Variants in DDX60 observed in about 807,000 individuals in gnomAD.
DDX60 encodes DExD/H-box helicase 60.
In DDX60, 165 loss-of-function variants were observed where a neutral mutation model predicts 212.8. The observed-to-expected ratio is 0.78, with a 90% CI of 0.68 to 0.88. The LOEUF (loss-of-function observed/expected upper bound fraction) is 0.88. Among genes scored for constraint, DDX60 ranks in the 40% least tolerant of loss-of-function variants. The pLI is 0.00. For missense variants in DDX60, 1,905 were observed against 2,003.9 expected (o/e 0.95, Z 0.94); for synonymous variants, 703 against 685.3 (o/e 1.03, Z -0.40).
At position 168,216,430 on chromosome 4, in the gene DDX60, A is replaced by G. The variant is rs527991512; in HGVS notation, c.*503T>C. 6.6e-6 allele frequency: 1 copy of G among 152,368 alleles called. No homozygotes were observed. Among genetic ancestry groups the G allele is most frequent in the East Asian group, 1.9e-4 (1 of 5,190 alleles). 9.4% of individuals were successfully genotyped at this position (152,368 alleles called of 1,614,324 possible). ...TTAAAAAGTAGTTTAAGTTTACTAG[A>G]AAGTACTATCTCAATAGCTGTATAG... On this transcript the variant is annotated 3_prime_UTR_variant, in exon 38 of 38. Transcript: ENST00000393743.
Position 168,311,061 on chromosome 4 carries a change from T to G in DDX60, c.11A>C (p.Asn4Thr). 8 of 1,570,936 alleles carry G rather than the reference T, an allele frequency of 5.1e-6. No individual in the cohort carries two copies. Among genetic ancestry groups the G allele is most frequent in the Non-Finnish European group, 7.0e-6 (8 of 1,147,216 alleles). ...TTCCTGTGAAAATGTTGTAAGAACA[T>G]TTCTTTCTAAATTTAAAAAAAAAGA... Reference protein sequence around the residue: MERNVLTTFSQEMS... With the variant: MERTVLTTFSQEMS... The change falls in exon 3 of 38, where the codon AAT (asparagine) becomes ACT (threonine). Residue 4 changes from asparagine (N) to threonine (T), a missense_variant. Coordinates refer to ENST00000393743, the MANE Select transcript of DDX60 (RefSeq NM_017631.6).
intron 14 of DDX60, among the ~76,000 whole-genome samples, chr4:168,277,522 A>C (rs1735393750): frequency 6.6e-6 from 1 of 152,134 alleles, no homozygotes; most frequent in Admixed American, 6.5e-5. Flanking sequence ...ATCTGAGCTA[A>C]ACTGTGGTTC....
At chr4:168,285,264 A>AT in intron 11 of DDX60, 129 bp downstream of exon 11, 1 of 661,100 alleles carries the variant, frequency 1.5e-6, no homozygotes. Context: ...TTGATTTTAA[A>AT]TTCATTATGT....
intron 30 of DDX60, among the ~76,000 whole-genome samples, chr4:168,238,465 AAGGGAAG>A (rs1733720372): frequency 7.3e-6 from 1 of 136,742 alleles, no homozygotes; most frequent in Non-Finnish European, 1.6e-5. Context: ...AAGGGAAGGG[AAGGGAAG>A]GGAAGGGAAG....
At chr4:168,264,457 G>A (rs1734754784) in intron 22 of DDX60, among the ~76,000 whole-genome samples, 1 of 152,056 alleles carries the variant, frequency 6.6e-6, no homozygotes, top group Non-Finnish European at 1.5e-5. Flanking sequence ...CTTGAAAGTG[G>A]TTACTTATTC....
intron 1 of DDX60, among the ~76,000 whole-genome samples, chr4:168,314,339 A>G (rs79418153): frequency 0.014 from 2,150 of 152,122 alleles, 55 homozygotes; most frequent in African/African-American, 0.05. Flanking sequence ...ACACACACAC[A>G]CACAAATTAG....
intron 33 of DDX60, among the ~76,000 whole-genome samples, chr4:168,226,359 T>C (rs1017195417): frequency 2.6e-5 from 4 of 152,038 alleles, no homozygotes. Flanking sequence ...GATTAGGTCA[T>C]GAGGGTGGAG....
At chr4:168,307,282 C>CAT (rs1435296064) in intron 4 of DDX60, among the ~76,000 whole-genome samples, 1 of 152,158 alleles carries the variant, frequency 6.6e-6, no homozygotes, top group Non-Finnish European at 1.5e-5. Context: ...AAAAGACTCA[C>CAT]ACCAAAGCTC....
In DDX60 at chr4:168,262,013, C is replaced by A; in HGVS notation, c.3260G>T (p.Gly1087Val). 2 of 1,593,388 alleles carry A rather than the reference C, an allele frequency of 1.3e-6. No homozygotes were observed. The highest frequency in any genetic ancestry group is 2.3e-5 in the East Asian group (1 of 43,510). ...KAELTSWIKN[G>V]NVEQARMVLQ... is the part of the protein sequence containing the mutation. ...TATGAAAATTACCTGCTCTACGTTG[C>A]CATTTTTAATCCAACTTGTTAATTC... Residue 1087 changes from glycine (G) to valine (V), a missense_variant, in exon 24 of 38, where the codon GGC (glycine) becomes GTC (valine). Coordinates refer to ENST00000393743, the MANE Select transcript of DDX60 (RefSeq NM_017631.6).
At chr4:168,296,491 T>C (rs1004270927) in intron 6 of DDX60, among the ~76,000 whole-genome samples, 10 of 151,918 alleles carry the variant, frequency 6.6e-5, no homozygotes, top group Admixed American at 4.6e-4. Flanking sequence ...AGCAGGTAAT[T>C]TGAAGACCCA....
intron 17 of DDX60, 21 bp downstream of exon 17, chr4:168,273,910 ATAT>A (rs1299277850): frequency 6.2e-7 from 1 of 1,605,818 alleles, no homozygotes; most frequent in Non-Finnish European, 8.5e-7. Flanking sequence ...ATGAAAGAGA[ATAT>A]TATAGTCACT....
chr4:168,319,228 G>A (rs1737541150), upstream of DDX60, among the ~76,000 whole-genome samples: 1 of 152,042 alleles, frequency 6.6e-6, no homozygotes, highest in African/African-American at 2.4e-5. Flanking sequence ...AACCTTAAAA[G>A]AGAGAGACAA....
Position 168,267,891 on chromosome 4 carries a change from C to A in DDX60, c.2879G>T (p.Gly960Val). The change falls in exon 21 of 38, where the codon GGC becomes GTC. Residue 960 changes from glycine (G) to valine (V), a missense_variant. By Grantham distance (109) the Gly-to-Val change is moderately radical. Coordinates refer to ENST00000393743, the MANE Select transcript of DDX60 (RefSeq NM_017631.6). ...ASKRHVGRQA[G>V]FPKDYLQVKQ... ...TACTTGCAAGTAGTCTTTGGGAAAGCCGGCCTGACGACCCACATGTCTTTT... is the reference window on the plus strand; with the variant it reads ...TACTTGCAAGTAGTCTTTGGGAAAGACGGCCTGACGACCCACATGTCTTTT... 6.2e-7 allele frequency: 1 copy of A among 1,613,408 alleles called. No homozygotes were observed. The highest frequency in any genetic ancestry group is 1.1e-5 in the South Asian group (1 of 90,984).
chr4:168,232,000 A>C (rs1408747455), intron 33 of DDX60, among the ~76,000 whole-genome samples: 1 of 152,100 alleles, frequency 6.6e-6, no homozygotes, highest in Non-Finnish European at 1.5e-5. Context: ...AGAACTGATA[A>C]ATGAATTCAG....
intron 13 of DDX60, among the ~76,000 whole-genome samples, chr4:168,283,133 T>C (rs920686206): frequency 6.6e-6 from 1 of 152,148 alleles, no homozygotes; most frequent in Non-Finnish European, 1.5e-5. Context: ...ATGAAAAAGA[T>C]TTTCACTGTC....
intron 30 of DDX60, among the ~76,000 whole-genome samples, chr4:168,239,289 T>C (rs1406995578): frequency 6.6e-6 from 1 of 151,838 alleles, no homozygotes; most frequent in African/African-American, 2.4e-5. Flanking sequence ...TTGATAGATG[T>C]AGATAGATGG....
At chr4:168,232,867 A>G (rs957467176) in intron 33 of DDX60, among the ~76,000 whole-genome samples, 2 of 152,096 alleles carry the variant, frequency 1.3e-5, no homozygotes, top group Non-Finnish European at 1.5e-5. Context: ...GATGGGACTT[A>G]ATTAAACTAA....
chr4:168,217,104 T>G (rs1240438883), intron 37 of DDX60, 72 bp from the exon 38 acceptor site: 7 of 937,302 alleles, frequency 7.5e-6, no homozygotes, highest in Non-Finnish European at 9.8e-6. Context: ...TTTCCTTGGT[T>G]AGGCAGAAGT....
chr4:168,229,162 C>T (rs1365294971), intron 33 of DDX60, among the ~76,000 whole-genome samples: 1 of 152,008 alleles, frequency 6.6e-6, no homozygotes, highest in Non-Finnish European at 1.5e-5. Context: ...AAGTAACTTG[C>T]CTCTTCAGGC....
Sources: gnomAD v4.1 joint callset for allele counts (sites outside exome capture counted in the v4.1 genomes callset) on GRCh38, gnomAD v4.1.1 for gene constraint, MANE v1.5 for transcripts, NCBI Gene and HGNC (gene_info 2026-07-23, HGNC 2026-07-21) for gene names.